Variants in VPS53 observed in about 807,000 individuals in gnomAD.
The protein encoded by VPS53 is VPS53 subunit of GARP complex.
A neutral mutation model predicts 107.0 loss-of-function variants in VPS53; 70 were observed. The observed-to-expected ratio is 0.65, with a 90% CI of 0.54 to 0.80. VPS53 has a LOEUF of 0.80. VPS53 is among the 30% of genes least tolerant of loss of function. The pLI, the probability that VPS53 is intolerant of heterozygous loss-of-function variation, is 0.00. For missense variants in VPS53, 917 were observed against 1,049.4 expected (o/e 0.87, Z 1.74); for synonymous variants, 409 against 393.3 (o/e 1.04, Z -0.47).
At chr17:577,100 ACCT>A (rs1914690753) in intron 13 of VPS53, among the ~76,000 whole-genome samples, 1 of 151,476 alleles carries the variant, frequency 6.6e-6, no homozygotes. Flanking sequence ...CTCCCTCAGA[ACCT>A]AATGTGTTCC....
At chr17:634,097 C>T (rs1340050782) in intron 7 of VPS53, among the ~76,000 whole-genome samples, 1 of 152,182 alleles carries the variant, frequency 6.6e-6, no homozygotes, top group Non-Finnish European at 1.5e-5. Flanking sequence ...GACTACTGGC[C>T]ATCTCAATGA....
chr17:710,455 C>A (rs1390496934), intron 2 of VPS53, 78 bp downstream of exon 2: 86 of 1,095,522 alleles, frequency 7.9e-5, no homozygotes, highest in Non-Finnish European at 1.1e-4. Flanking sequence ...CGTAGATGAT[C>A]TAGTGTAACA....
intron 12 of VPS53, 131 bp from the exon 13 acceptor site, chr17:586,495 C>T (rs1344892586): frequency 1.3e-5 from 11 of 859,204 alleles, no homozygotes; most frequent in African/African-American, 5.1e-5. Flanking sequence ...TAACCCAATA[C>T]GATGGTTTCA....
chr17:553,340 G>A (rs747383442), intron 16 of VPS53, 40 bp downstream of exon 16: 1 of 1,596,036 alleles, frequency 6.3e-7, no homozygotes, highest in Non-Finnish European at 8.6e-7. Flanking sequence ...GTGTAGTGGA[G>A]AAAGGGCAGG....
At chr17:664,358 G>A (rs887196385) in intron 4 of VPS53, among the ~76,000 whole-genome samples, 2 of 152,152 alleles carry the variant, frequency 1.3e-5, no homozygotes, top group Non-Finnish European at 2.9e-5. Context: ...GATTACAGAC[G>A]TGAGCCGCCG....
At chr17:620,396 G>A (rs950375636) in intron 11 of VPS53, among the ~76,000 whole-genome samples, 2 of 152,230 alleles carry the variant, frequency 1.3e-5, no homozygotes, top group African/African-American at 4.8e-5. Flanking sequence ...AGGACCAGAA[G>A]GGTAGGAGCT....
At chr17:656,264 G>A (rs1383288862) in intron 5 of VPS53, among the ~76,000 whole-genome samples, 1 of 152,158 alleles carries the variant, frequency 6.6e-6, no homozygotes, top group African/African-American at 2.4e-5. Flanking sequence ...GAGGAGGTAA[G>A]CACAGCACCT....
intron 12 of VPS53, among the ~76,000 whole-genome samples, chr17:598,123 C>T (rs12603291): frequency 0.058 from 8,800 of 152,274 alleles, 509 homozygotes; most frequent in East Asian, 0.3. Flanking sequence ...AGGCTCGCGC[C>T]GCCACACCTG....
intron 4 of VPS53, among the ~76,000 whole-genome samples, chr17:695,749 G>A (rs1170835646): frequency 6.6e-6 from 1 of 152,030 alleles, no homozygotes. Context: ...GCAGGGTTTT[G>A]TCATGTTGCC....
At chr17:685,506 G>A (rs925688111) in intron 4 of VPS53, among the ~76,000 whole-genome samples, 11 of 152,094 alleles carry the variant, frequency 7.2e-5, no homozygotes, top group Admixed American at 1.3e-4. Flanking sequence ...AAATAGGCTC[G>A]GTGTTAGATG....
chr17:679,022 C>T (rs1324837752), intron 4 of VPS53, among the ~76,000 whole-genome samples: 2 of 152,142 alleles, frequency 1.3e-5, no homozygotes, highest in East Asian at 3.9e-4. Context: ...GCTCTTCTTA[C>T]ATAACAAGAA....
intron 13 of VPS53, among the ~76,000 whole-genome samples, chr17:571,779 G>A (rs1354318998): frequency 3.9e-5 from 6 of 152,240 alleles, no homozygotes; most frequent in Non-Finnish European, 5.9e-5. Context: ...TCCTAACCGC[G>A]AGTGATCCGC....
At chr17:594,317 TAATA>T (rs758401300) in intron 12 of VPS53, among the ~76,000 whole-genome samples, 11 of 152,160 alleles carry the variant, frequency 7.2e-5, no homozygotes, top group East Asian at 3.8e-4. Flanking sequence ...TAAAGTATAA[TAATA>T]AATAAATAAA....
chr17:656,972 G>T, intron 5 of VPS53: 1 of 946,266 alleles, frequency 1.1e-6, no homozygotes, highest in Non-Finnish European at 1.7e-6. Context: ...AACCACGTCA[G>T]AAGATCCCGG....
chr17:666,298 T>C (rs1567723082), intron 4 of VPS53, among the ~76,000 whole-genome samples: 3 of 152,184 alleles, frequency 2.0e-5, no homozygotes, highest in Middle Eastern at 6.8e-3. Flanking sequence ...TCAGGGACGA[T>C]GGGTGTTACA....
chr17:708,036 C>T (rs1389731738), intron 2 of VPS53, among the ~76,000 whole-genome samples: 1 of 152,112 alleles, frequency 6.6e-6, no homozygotes, highest in East Asian at 1.9e-4. Context: ...TGCCTTGGTC[C>T]TGTGTTTAGA....
chr17:620,073 T>C (rs1269934611), intron 11 of VPS53, among the ~76,000 whole-genome samples: 2 of 152,178 alleles, frequency 1.3e-5, no homozygotes, highest in Admixed American at 6.5e-5. Context: ...TAAAAAGAAA[T>C]CAATATTGAA....
At position 653,350 on chromosome 17, in the gene VPS53, A is replaced by G. The variant is rs1567710893; in HGVS notation, c.549T>C (p.Asn183=). The change falls in exon 7 of 22, where the codon AAT becomes AAC. Residue 183 remains asparagine (N), a synonymous_variant. Transcript: ENST00000437048. ...TATACTTGTGGAAGTGCTCCAGGAC[A>G]TTCATCACACCCTGAAGGAGATTAG... ...EVANLLQGVM[N]VLEHFHKYMG... The G allele has an allele frequency of 3.1e-6, 5 of 1,614,144 alleles. No individual in the cohort carries two copies. Among genetic ancestry groups the G allele is most frequent in the Admixed American group, 1.7e-5 (1 of 60,006 alleles).
intron 4 of VPS53, among the ~76,000 whole-genome samples, chr17:687,978 G>C (rs918831650): frequency 6.6e-6 from 1 of 152,124 alleles, no homozygotes; most frequent in African/African-American, 2.4e-5. Flanking sequence ...AATCCTTAGA[G>C]AATTGAAATA....
Sources: gnomAD v4.1 joint callset for allele counts (sites outside exome capture counted in the v4.1 genomes callset) on GRCh38, gnomAD v4.1.1 for gene constraint, MANE v1.5 for transcripts, NCBI Gene and HGNC (gene_info 2026-07-23, HGNC 2026-07-21) for gene names.